Variants in ACACA observed in about 807,000 individuals in gnomAD.
The protein encoded by ACACA is acetyl-CoA carboxylase 1.
A neutral mutation model predicts 296.1 loss-of-function variants in ACACA; 103 were observed. The observed-to-expected ratio is 0.35, with a 90% confidence interval of 0.30 to 0.41. The LOEUF is 0.41. ACACA is among the 10% of genes least tolerant of loss of function. ACACA has a pLI of 1.00. For synonymous variants in ACACA, 953 were observed against 1,038.6 expected, an observed-to-expected ratio of 0.92 and a Z score of 1.58; for missense variants, 1,554 against 2,989.7, an observed-to-expected ratio of 0.52 and a Z score of 11.20.
At chr17:37,388,579 T>G (rs2050652436) in intron 1 of ACACA, 1 of 1,440,814 alleles carries the variant, frequency 6.9e-7, no homozygotes, top group Non-Finnish European at 9.5e-7. Context: ...CTAATAGTCT[T>G]GTGAGCCAGA....
At chr17:37,152,658 C>G (rs1227226915) in intron 43 of ACACA, among the ~76,000 whole-genome samples, 5 of 151,862 alleles carry the variant, frequency 3.3e-5, no homozygotes, top group Admixed American at 3.3e-4. Context: ...GGAGTGATAG[C>G]TGATAATGGG....
chr17:37,188,342 T>C lies in ACACA; in HGVS notation c.4711A>G (p.Asn1571Asp). The change falls in exon 39 of 56, where the codon AAC (asparagine) becomes GAC (aspartate). Residue 1571 changes from asparagine to aspartate, a missense_variant. Transcript: ENST00000616317. ...KAIPIRLFLT[N>D]ESGYYLDISL... ...ATATCCAAGTAATAGCCAGACTCGT[T>C]TGTCAGGAAGAGGCGGATGGGAATT... 2.5e-6 allele frequency: 4 copies of C among 1,614,118 alleles called. No homozygotes were observed. Among genetic ancestry groups the C allele is most frequent in the Non-Finnish European group, 3.4e-6 (4 of 1,180,002 alleles).
chr17:37,141,133 G>A (rs536558553), intron 45 of ACACA: 57 of 481,558 alleles, frequency 1.2e-4, no homozygotes, highest in South Asian at 6.3e-4. Context: ...GCAAGCACGC[G>A]TCTGCTTCTG....
At position 37,181,363 on chromosome 17, in the gene ACACA, GA is replaced by G. The variant is rs149182938; in HGVS notation, c.4777-8del. 21 of 1,598,312 alleles carry G rather than the reference GA, an allele frequency of 1.3e-5. No homozygotes were observed. In the African/African-American group the frequency reaches 1.4e-4, roughly 10 times the overall value. ...CATATGCCTGAAACATGATCTGCAG[GA>G]AAAAAAAATGGCATGGGGAGTTAAG... On this transcript the variant is annotated splice_polypyrimidine_tract_variant and splice_region_variant and intron_variant, in intron 39 of 55. Transcript: ENST00000616317.
intron 3 of ACACA, among the ~76,000 whole-genome samples, chr17:37,290,586 C>A (rs2082999800): frequency 6.6e-6 from 1 of 152,186 alleles, no homozygotes; most frequent in Non-Finnish European, 1.5e-5. Flanking sequence ...CAAAACAGAT[C>A]TGAATTCAAC....
chr17:37,286,297 G>GT (rs2082769311), intron 3 of ACACA, among the ~76,000 whole-genome samples: 1 of 152,170 alleles, frequency 6.6e-6, no homozygotes, highest in Non-Finnish European at 1.5e-5. Flanking sequence ...ACAGGCCTGG[G>GT]TTTACATTCC....
chr17:37,227,814 C>T (rs1456913513), intron 25 of ACACA, among the ~76,000 whole-genome samples: 3 of 146,378 alleles, frequency 2.0e-5, no homozygotes, highest in Non-Finnish European at 4.4e-5. Context: ...GAGCCGAGAT[C>T]GTGCCACTGC....
intron 11 of ACACA, among the ~76,000 whole-genome samples, chr17:37,261,478 C>A (rs922251320): frequency 6.6e-6 from 1 of 152,220 alleles, no homozygotes; most frequent in Non-Finnish European, 1.5e-5. Context: ...AAACCACAAA[C>A]CTGGCCTTCA....
chr17:37,314,634 CTT>C lies in ACACA; in HGVS notation c.338+15537_338+15538del, dbSNP rs57554348. Among the ~76,000 whole-genome samples the C allele has an allele frequency of 7.6e-3, 835 of 109,906 alleles. 1 individual carries two copies. Among genetic ancestry groups the C allele is most frequent in the African/African-American group, 0.028 (755 of 27,352 alleles). The allele number at this position is 109,906 out of a possible 152,430, so 72.1% of individuals were successfully genotyped here. A position where few individuals can be genotyped will look rare whatever the true frequency, so the allele number is the denominator to read the frequency against. On this transcript the variant is annotated intron_variant, in intron 3 of 55. Transcript: ENST00000616317. The stretch of plus-strand genomic sequence containing the variant: ...CCGGGATAGGACTCAGGAATCCACA[CTT>C]TTTTTTTTTTTTTTTTTTTTTGAGA...
chr17:37,155,881 T>A, intron 42 of ACACA, 101 bp from the exon 43 acceptor site: 1 of 806,468 alleles, frequency 1.2e-6, no homozygotes, highest in Admixed American at 1.8e-5. Context: ...CAGCTAGCTT[T>A]AAATTGCCAC....
chr17:37,318,093 A>G (rs1021491849), intron 3 of ACACA, among the ~76,000 whole-genome samples: 1 of 152,206 alleles, frequency 6.6e-6, no homozygotes, highest in African/African-American at 2.4e-5. Flanking sequence ...TAAGAAAGTC[A>G]ATACATAAGA....
intron 3 of ACACA, among the ~76,000 whole-genome samples, chr17:37,321,608 CGT>C (rs2047359254): frequency 1.3e-5 from 2 of 152,038 alleles, no homozygotes; most frequent in Admixed American, 1.3e-4. Flanking sequence ...ATTAGCCAGG[CGT>C]GGCGGCATGT....
intron 50 of ACACA, among the ~76,000 whole-genome samples, chr17:37,119,643 A>AC (rs2074428246): frequency 9.1e-6 from 1 of 110,414 alleles, no homozygotes; most frequent in South Asian, 2.9e-4. Context: ...CACACACACA[A>AC]TCAACCTAGT....
chr17:37,121,319 A>C (rs2074518650), intron 50 of ACACA, 36 bp downstream of exon 50: 2 of 1,613,764 alleles, frequency 1.2e-6, no homozygotes, highest in Admixed American at 3.3e-5. Context: ...CCCAGTAATC[A>C]GTGATGCCCC....
chr17:37,384,160 A>C (rs550323211), intron 1 of ACACA, among the ~76,000 whole-genome samples: 5 of 152,322 alleles, frequency 3.3e-5, no homozygotes, highest in African/African-American at 9.6e-5. Context: ...GACAGTCTGC[A>C]TAGGAGGATG....
chr17:37,252,142 A>T (rs1203582470), intron 15 of ACACA, 34 bp from the exon 16 acceptor site: 2 of 1,551,212 alleles, frequency 1.3e-6, no homozygotes, highest in Non-Finnish European at 1.8e-6. Context: ...GATCAAATGC[A>T]TGGTCACTTG....
At chr17:37,115,214 G>A (rs980328905) in intron 50 of ACACA, among the ~76,000 whole-genome samples, 2 of 152,200 alleles carry the variant, frequency 1.3e-5, no homozygotes, top group African/African-American at 4.8e-5. Context: ...GAAGAGCAGG[G>A]AATAAAGGAC....
intron 1 of ACACA, among the ~76,000 whole-genome samples, chr17:37,390,175 T>TATATATATATACACACACAC (rs60788220): frequency 2.2e-4 from 10 of 44,500 alleles, no homozygotes; most frequent in African/African-American, 1.2e-3. Flanking sequence ...TATATATATA[T>TATATATATATACACACACAC]ACACACACAC....
rs568215321 is a variant in ACACA at position 37,086,918 on chromosome 17, G to C, written c.*398C>G. 9.8e-6 allele frequency: 3 copies of C among 307,386 alleles called. No individual in the cohort carries two copies. Among genetic ancestry groups the C allele is most frequent in the African/African-American group, 4.4e-5 (2 of 45,950 alleles). 19.0% of individuals were successfully genotyped at this position (307,386 alleles called of 1,614,324 possible). A position where few individuals can be genotyped will look rare whatever the true frequency, so the allele number is the denominator to read the frequency against. On this transcript the variant is annotated 3_prime_UTR_variant, in exon 56 of 56. Transcript: ENST00000616317. ...CTGCGGCTCATGGGGCCAGGAGTGA[G>C]GGGGGCTGCTCACTGCTGGGCAACT...
Sources: allele counts gnomAD v4.1 joint callset (sites outside exome capture counted in the v4.1 genomes callset), GRCh38; gene constraint gnomAD v4.1.1; transcripts MANE v1.5; gene names NCBI Gene and HGNC (gene_info 2026-07-23, HGNC 2026-07-21).